The following ATP2B1 variants were observed in gnomAD, a reference collection of about 807,000 sequenced individuals.
The protein encoded by ATP2B1 is plasma membrane calcium-transporting ATPase 1.
A neutral mutation model predicts 124.2 loss-of-function variants in ATP2B1; 14 were observed. The ratio of observed to expected loss-of-function variants is 0.11; its 90% CI spans 0.07 to 0.18. The LOEUF (loss-of-function observed/expected upper bound fraction) is 0.18. ATP2B1 is among the 10% of genes least tolerant of loss of function. ATP2B1 has a pLI of 1.00. For missense variants in ATP2B1, 763 were observed against 1,466.1 expected (o/e 0.52, Z 7.83); for synonymous variants, 449 against 492.4 (o/e 0.91, Z 1.17).
intron 2 of ATP2B1, among the ~76,000 whole-genome samples, chr12:89,650,325 C>A (rs148479554): frequency 0.012 from 1,877 of 152,318 alleles, 40 homozygotes; most frequent in African/African-American, 0.043. Context: ...CCGTCCCTAA[C>A]TGCAAATTTA....
intron 6 of ATP2B1, among the ~76,000 whole-genome samples, chr12:89,628,258 CG>C (rs1317476993): frequency 1.3e-5 from 2 of 151,790 alleles, no homozygotes; most frequent in African/African-American, 4.8e-5. Context: ...AAAAATTAGC[CG>C]GGTGTGGTGG....
At chr12:89,622,595 T>G (rs1256125873) in intron 9 of ATP2B1, among the ~76,000 whole-genome samples, 1 of 152,132 alleles carries the variant, frequency 6.6e-6, no homozygotes, top group African/African-American at 2.4e-5. Flanking sequence ...GATGACTAAT[T>G]TGCAAGATAC....
chr12:89,648,425 T>C (rs976668371), intron 2 of ATP2B1, among the ~76,000 whole-genome samples: 4 of 152,154 alleles, frequency 2.6e-5, no homozygotes, highest in African/African-American at 9.7e-5. Flanking sequence ...GAGGGATCTG[T>C]GGAAGTTTGA....
intron 1 of ATP2B1, among the ~76,000 whole-genome samples, chr12:89,677,965 T>TACACACACAC (rs762930153): frequency 1.5e-4 from 17 of 112,076 alleles, no homozygotes; most frequent in Middle Eastern, 4.1e-3. Context: ...TATATATATA[T>TACACACACAC]ATATATACAC....
intron 7 of ATP2B1, among the ~76,000 whole-genome samples, chr12:89,627,396 C>CAA (rs59737003): frequency 4.7e-4 from 43 of 91,278 alleles, no homozygotes; most frequent in Non-Finnish European, 5.1e-4. Flanking sequence ...TTCCAAAATC[C>CAA]AAAAAAAAAA....
chr12:89,681,419 C>T (rs1451885088), intron 1 of ATP2B1, among the ~76,000 whole-genome samples: 1 of 142,772 alleles, frequency 7.0e-6, no homozygotes, highest in African/African-American at 2.6e-5. Context: ...CTCACTCTGT[C>T]ACCCAGGCTG....
At chr12:89,599,991 C>T (rs941973315) in intron 19 of ATP2B1, among the ~76,000 whole-genome samples, 1 of 152,118 alleles carries the variant, frequency 6.6e-6, no homozygotes, top group Non-Finnish European at 1.5e-5. Context: ...TTCTAGTACA[C>T]CCACCTCATT....
intron 2 of ATP2B1, among the ~76,000 whole-genome samples, chr12:89,643,065 T>TACACACACACACACACACACACACAC: frequency 7.0e-6 from 1 of 143,640 alleles, no homozygotes; most frequent in Non-Finnish European, 1.5e-5. Context: ...TAAAGATACA[T>TACACACACACACACACACACACACAC]ACACACACAC....
At chr12:89,622,967 T>C (rs1880250168) in intron 9 of ATP2B1, among the ~76,000 whole-genome samples, 1 of 152,200 alleles carries the variant, frequency 6.6e-6, no homozygotes. Flanking sequence ...AAATGACTGT[T>C]CTATGTGTCC....
Position 89,613,361 on chromosome 12 carries a change from T to C in ATP2B1, c.2068-1989A>G, listed in dbSNP as rs528402591. On this transcript the variant is annotated intron_variant, in intron 12 of 20. Transcript: ENST00000428670. ...ATATTTATCTATAAGTTTTAAGATT[T>C]ACATCATAAAAGTTATTTCCCTCTA... Among the ~76,000 whole-genome samples the C allele has an allele frequency of 3.3e-5, 5 of 152,346 alleles. No individual in the cohort carries two copies. The East Asian group carries it at 9.6e-4, about 29-fold the overall frequency.
chr12:89,610,345 G>T, intron 14 of ATP2B1, 76 bp downstream of exon 14: 1 of 1,202,718 alleles, frequency 8.3e-7, no homozygotes, highest in Non-Finnish European at 1.2e-6. Context: ...CTAATATTCA[G>T]TATCTATTAC....
Position 89,603,995 on chromosome 12 carries a change from T to C in ATP2B1, c.2635-70A>G. ...GGCTCAGCAATTCTCAGGAAACCTT[T>C]AGGGTTTAAAAACTTGAGAAACAGA... On this transcript the variant is annotated intron_variant, in intron 16 of 20. Coordinates refer to ENST00000428670, the MANE Select transcript of ATP2B1 (RefSeq NM_001366521.1). The surrounding 1 kb of genome is among the most constrained non-coding windows in gnomAD (Gnocchi z 4.3). The C allele has an allele frequency of 1.3e-6, 2 of 1,506,496 alleles. No homozygotes were observed. The highest frequency in any genetic ancestry group is 1.2e-5 in the South Asian group (1 of 81,168). The allele number at this position is 1,506,496 out of a possible 1,614,324, so 93.3% of individuals were successfully genotyped here.
chr12:89,598,535 T>C, intron 20 of ATP2B1: 1 of 1,529,040 alleles, frequency 6.5e-7, no homozygotes. Flanking sequence ...ATGAGAAACG[T>C]TAGGTGTGTG....
Position 89,603,728 on chromosome 12 carries a change from A to C in ATP2B1, c.2832T>G (p.Phe944Leu). 1 of 1,613,486 alleles carries C rather than the reference A, an allele frequency of 6.2e-7. No homozygotes were observed. The highest frequency in any genetic ancestry group is 8.5e-7 in the Non-Finnish European group (1 of 1,179,370). Residue 944 changes from phenylalanine to leucine, a missense_variant, in exon 17 of 21, where the codon TTT becomes TTG. Transcript: ENST00000428670. The surrounding 1 kb of genome is among the most constrained non-coding windows in gnomAD (Gnocchi z 4.3). ...GHAFYQLVVVFTLLFAGEKFF... is the reference protein window; with the variant it reads ...GHAFYQLVVVLTLLFAGEKFF... ...AATTCTTACCAGCAAATAAGAGTGTAAAGACTACTACAAGTTGATAGAATG... is the reference window on the plus strand; with the variant it reads ...AATTCTTACCAGCAAATAAGAGTGTCAAGACTACTACAAGTTGATAGAATG...
At chr12:89,642,710 T>C (rs1883748109) in intron 2 of ATP2B1, among the ~76,000 whole-genome samples, 1 of 152,122 alleles carries the variant, frequency 6.6e-6, no homozygotes. Flanking sequence ...GTTCAAGTGA[T>C]TCTCCTACCT....
intron 3 of ATP2B1, among the ~76,000 whole-genome samples, chr12:89,635,780 T>C (rs1178419515): frequency 2.0e-5 from 3 of 152,186 alleles, no homozygotes; most frequent in Non-Finnish European, 4.4e-5. Context: ...TTTACTGAAA[T>C]GTGATTAAAA....
intron 9 of ATP2B1, 99 bp from the exon 10 acceptor site, chr12:89,621,890 C>A: frequency 8.2e-7 from 1 of 1,219,274 alleles, no homozygotes; most frequent in Non-Finnish European, 1.1e-6. Context: ...TTAGAAAACT[C>A]CCAGCTTTCT....
At chr12:89,669,200 C>T (rs924259097) in intron 1 of ATP2B1, among the ~76,000 whole-genome samples, 5 of 152,206 alleles carry the variant, frequency 3.3e-5, no homozygotes, top group Non-Finnish European at 7.4e-5. Flanking sequence ...AAGCTGAGGG[C>T]AGGATGGTCT....
In ATP2B1 at chr12:89,621,620, T is replaced by C. The variant is rs1370619441; in HGVS notation, c.1516A>G (p.Ile506Val). Residue 506 changes from isoleucine to valine, a missense_variant, in exon 10 of 21, where the codon ATT (isoleucine) becomes GTT (valine). Physicochemically the swap from Ile to Val is conservative, Grantham distance 29. Transcript: ENST00000428670. ...AGATAGGACAAAATATTTGGTGGAA[T>C]AGCTTCTGGTTCAGGAACCTTTTTA... is the stretch of plus-strand genomic sequence containing the variant. ...HYKKVPEPEA[I>V]PPNILSYLVT... 3.1e-6 allele frequency: 5 copies of C among 1,611,246 alleles called. No homozygotes were observed. The highest frequency in any genetic ancestry group is 4.2e-6 in the Non-Finnish European group (5 of 1,178,166).
Sources: gnomAD v4.1 joint callset for allele counts (sites outside exome capture counted in the v4.1 genomes callset) on GRCh38, gnomAD v4.1.1 for gene constraint, Gnocchi (gnomAD v3.1) non-coding constraint, MANE v1.5 for transcripts, NCBI Gene and HGNC (gene_info 2026-07-23, HGNC 2026-07-21) for gene names.